The following EBF2 variants were observed in gnomAD, a reference collection of about 807,000 sequenced individuals.
EBF2 encodes transcription factor COE2.
Under a neutral mutation model 72.8 loss-of-function variants are expected in EBF2, and 21 were observed. The observed-to-expected ratio is 0.29, with a 90% CI of 0.20 to 0.42. EBF2 has a LOEUF of 0.42. EBF2 is among the 10% of genes least tolerant of loss of function. EBF2 has a pLI of 1.00. For missense variants in EBF2, 637 were observed against 731.2 expected (o/e 0.87, Z 1.49); for synonymous variants, 299 against 274.2 (o/e 1.09, Z -0.89).
At position 26,011,684 on chromosome 8, in the gene EBF2, C is replaced by A. The variant is rs75895117; in HGVS notation, c.551+21401G>T. ...TTGACTAAAAGGACCCTGAGCAAGA[C>A]CTGGAAATGTGTCTTTGCAAAATCA... On this transcript the variant is annotated intron_variant, in intron 6 of 15. Transcript: ENST00000520164. Among the ~76,000 whole-genome samples, 1,007 of 152,206 alleles carry A rather than the reference C, an allele frequency of 6.6e-3. 5 individuals are homozygous for A. The highest frequency in any genetic ancestry group is 0.01 in the Non-Finnish European group (685 of 68,016).
intron 6 of EBF2, among the ~76,000 whole-genome samples, chr8:25,944,669 AT>A (rs1353885724): frequency 6.8e-6 from 1 of 147,968 alleles, no homozygotes; most frequent in African/African-American, 2.5e-5. Context: ...ATAATTACAT[AT>A]TGTATATTAT....
chr8:25,883,613 G>A (rs1351064922), intron 10 of EBF2, among the ~76,000 whole-genome samples: 1 of 151,992 alleles, frequency 6.6e-6, no homozygotes, highest in Non-Finnish European at 1.5e-5. Flanking sequence ...TGTGGCCAAG[G>A]GTGAGGACCT....
At chr8:25,943,905 T>A (rs1302419771) in intron 6 of EBF2, among the ~76,000 whole-genome samples, 1 of 152,142 alleles carries the variant, frequency 6.6e-6, no homozygotes, top group Non-Finnish European at 1.5e-5. Context: ...CCCTGATAGC[T>A]TGAGGCCTCA....
At chr8:26,035,939 G>C (rs1309705777) in intron 5 of EBF2, among the ~76,000 whole-genome samples, 1 of 148,762 alleles carries the variant, frequency 6.7e-6, no homozygotes. Flanking sequence ...TTATGTCAAC[G>C]TAATACCTTT....
At position 25,887,944 on chromosome 8, in the gene EBF2, C is replaced by T. The variant is rs748066316; in HGVS notation, c.780G>A (p.Pro260=). Residue 260 remains proline, a synonymous_variant, in exon 9 of 16, where the codon CCG becomes CCA. Transcript: ENST00000520164. ...CTCCTCCTGTGGTCCAGCCTTCACT[C>T]GGGCTAATGGCTTTGATGCAGGGGG... ...EATPCIKAIS[P]SEGWTTGGAM... 4.6e-5 allele frequency: 75 copies of T among 1,613,422 alleles called. No homozygotes were observed. The highest frequency in any genetic ancestry group is 1.6e-4 in the Middle Eastern group (1 of 6,080).
At chr8:25,848,965 T>C (rs1230645515) in intron 15 of EBF2, among the ~76,000 whole-genome samples, 5 of 152,200 alleles carry the variant, frequency 3.3e-5, no homozygotes, top group Non-Finnish European at 5.9e-5. Context: ...TTCATTTCCC[T>C]GTCTCATGGA....
chr8:25,850,687 C>G lies in EBF2; in HGVS notation c.1603G>C (p.Ala535Pro). 1 of 1,563,818 alleles carries G rather than the reference C, an allele frequency of 6.4e-7. No individual in the cohort carries two copies. Among genetic ancestry groups the G allele is most frequent in the Non-Finnish European group, 8.6e-7 (1 of 1,163,412 alleles). The change falls in exon 15 of 16, where the codon GCT becomes CCT. Residue 535 changes from alanine (A) to proline (P), a missense_variant. Ala to Pro is a conservative substitution (Grantham distance 27, BLOSUM62 -1). Around this residue, in one of 3 missense-constraint regions of EBF2, gnomAD observed 259 missense variants for 268.1 expected, o/e 0.97. Transcript: ENST00000520164. Reference protein sequence around the residue: ...ILPFSSSVFPAVKQKSAFAPV... With the variant: ...ILPFSSSVFPPVKQKSAFAPV... Reference sequence around the variant, plus strand: ...GCAAAGGCACTCTTCTGTTTGACAGCAGGAAAAACTGAAGAGGAAAATGGG... The same window carrying G: ...GCAAAGGCACTCTTCTGTTTGACAGGAGGAAAAACTGAAGAGGAAAATGGG...
chr8:25,979,388 A>G (rs1057201828), intron 6 of EBF2, among the ~76,000 whole-genome samples: 2 of 152,196 alleles, frequency 1.3e-5, no homozygotes, highest in Non-Finnish European at 2.9e-5. Flanking sequence ...ACATTGTGTC[A>G]TGCCACACGG....
At chr8:26,040,806 C>A in intron 3 of EBF2, 133 bp downstream of exon 3, 5 of 1,483,154 alleles carry the variant, frequency 3.4e-6, no homozygotes, top group Non-Finnish European at 4.6e-6. Flanking sequence ...ACCTCCCAAT[C>A]CCCTGTCCCA....
intron 6 of EBF2, among the ~76,000 whole-genome samples, chr8:25,909,122 G>A (rs753627484): frequency 2.0e-5 from 3 of 152,174 alleles, no homozygotes; most frequent in African/African-American, 4.8e-5. Context: ...AATAAGAAGT[G>A]TGAATATCCT....
chr8:25,934,972 C>T (rs1372118990), intron 6 of EBF2, among the ~76,000 whole-genome samples: 1 of 152,196 alleles, frequency 6.6e-6, no homozygotes, highest in African/African-American at 2.4e-5. Context: ...ACCAAGCCCA[C>T]CCCATTAGCT....
At chr8:26,031,793 C>A (rs11985916) in intron 6 of EBF2, 14,790 of 152,150 alleles carry the variant, frequency 0.097, 762 homozygotes, top group South Asian at 0.13. Context: ...TGCACAACCA[C>A]GGGCAAGTCA....
chr8:25,975,974 T>C (rs1403622200), intron 6 of EBF2, among the ~76,000 whole-genome samples: 1 of 152,172 alleles, frequency 6.6e-6, no homozygotes. Flanking sequence ...GCAATCTTAA[T>C]CTTTATGAAC....
chr8:26,029,846 C>T (rs530602535), intron 6 of EBF2, among the ~76,000 whole-genome samples: 21 of 152,310 alleles, frequency 1.4e-4, no homozygotes, highest in African/African-American at 5.1e-4. Context: ...CAAGGCTGAT[C>T]CAAACCCCTG....
chr8:25,978,476 C>T (rs1301464549), intron 6 of EBF2, among the ~76,000 whole-genome samples: 1 of 152,174 alleles, frequency 6.6e-6, no homozygotes, highest in Non-Finnish European at 1.5e-5. Context: ...GCTGGGAGAG[C>T]GACCGAGATG....
intron 5 of EBF2, 65 bp from the exon 6 acceptor site, chr8:26,033,218 A>C: frequency 6.7e-7 from 1 of 1,501,424 alleles, no homozygotes; most frequent in Non-Finnish European, 9.3e-7. Flanking sequence ...CAATGAGCAC[A>C]TGACAAGAAC....
chr8:25,996,346 A>G (rs1193835053), intron 6 of EBF2, among the ~76,000 whole-genome samples: 2 of 152,060 alleles, frequency 1.3e-5, no homozygotes, highest in Non-Finnish European at 2.9e-5. Context: ...AAAAACATTA[A>G]TGAAATTTTT....
At chr8:25,899,857 C>T (rs1235064562) in intron 7 of EBF2, among the ~76,000 whole-genome samples, 3 of 87,128 alleles carry the variant, frequency 3.4e-5, no homozygotes, top group African/African-American at 9.5e-5. Flanking sequence ...ATGATCCAAC[C>T]ACCCTGTGGA....
chr8:25,849,655 T>TTTTGCTGTCG (rs75444263), intron 15 of EBF2, among the ~76,000 whole-genome samples: 78,253 of 151,734 alleles, frequency 0.52, 22,715 homozygotes, highest in African/African-American at 0.79. Context: ...TTTTGCTGTC[T>TTTTGCTGTCG]GCTGCCCTCC....
Sources: gnomAD v4.1 joint callset for allele counts (sites outside exome capture counted in the v4.1 genomes callset) on GRCh38, gnomAD v4.1.1 for gene constraint, gnomAD v4.1.1 regional missense constraint, MANE v1.5 for transcripts, NCBI Gene and HGNC (gene_info 2026-07-23, HGNC 2026-07-21) for gene names.